The following AGPS variants were observed in gnomAD, a reference collection of about 807,000 sequenced individuals.
AGPS encodes the protein alkylglycerone phosphate synthase.
AGPS carries 26 observed loss-of-function variants against 90.7 expected under a neutral mutation model. The ratio of observed to expected loss-of-function variants is 0.29; its 90% CI spans 0.21 to 0.40. The LOEUF is 0.40. Among genes scored for constraint, AGPS ranks in the 10% least tolerant of loss-of-function variants. AGPS has a pLI of 1.00. For missense variants in AGPS, 540 were observed against 816.1 expected, an observed-to-expected ratio of 0.66 and a Z score of 4.12; for synonymous variants, 294 against 285.3, an observed-to-expected ratio of 1.03 and a Z score of -0.31.
At chr2:177,484,469 G>A (rs1033686714) in intron 11 of AGPS, among the ~76,000 whole-genome samples, 4 of 151,436 alleles carry the variant, frequency 2.6e-5, no homozygotes, top group African/African-American at 7.3e-5. Flanking sequence ...TCAGCCTCCC[G>A]AGTAGCTGGG....
intron 10 of AGPS, among the ~76,000 whole-genome samples, chr2:177,475,872 C>A (rs1687767117): frequency 6.6e-6 from 1 of 152,100 alleles, no homozygotes; most frequent in African/African-American, 2.4e-5. Context: ...AATAGCCAGA[C>A]TGTTTTCTAG....
chr2:177,533,878 G>C lies in AGPS; in HGVS notation c.1856-4196G>C, dbSNP rs115784857. On this transcript the variant is annotated intron_variant, in intron 19 of 19. Coordinates refer to ENST00000264167, the MANE Select transcript of AGPS (RefSeq NM_003659.4). ...ATCTGACCTATAGAATAGTGCTAAA[G>C]AGATATCCAGGATACTCAAACTAGA... 6.6e-3 allele frequency among the ~76,000 whole-genome samples: 1,000 copies of C among 152,274 alleles called. 11 individuals are homozygous for C. Among genetic ancestry groups the C allele is most frequent in the African/African-American group, 0.023 (973 of 41,556 alleles).
intron 9 of AGPS, among the ~76,000 whole-genome samples, chr2:177,468,093 C>T (rs1250526385): frequency 6.6e-6 from 1 of 151,886 alleles, no homozygotes; most frequent in Admixed American, 6.6e-5. Context: ...TTTTTGAGTC[C>T]GTTAGTTCTG....
rs537056281 is a variant in AGPS at position 177,460,918 on chromosome 2, T to C, written c.871-975T>C. On this transcript the variant is annotated intron_variant, in intron 8 of 19. Transcript: ENST00000264167. ...AGAATAGATAGAGAATTTGTATTGC[T>C]GATATGCAAAACCTAACAAATTATA... Among the ~76,000 whole-genome samples, 3 of 152,392 alleles carry C rather than the reference T, an allele frequency of 2.0e-5. No homozygotes were observed. In the East Asian group the frequency reaches 5.8e-4, roughly 29 times the overall value.
intron 8 of AGPS, among the ~76,000 whole-genome samples, chr2:177,450,610 G>A (rs965691871): frequency 2.0e-5 from 3 of 151,960 alleles, no homozygotes; most frequent in African/African-American, 2.4e-5. Flanking sequence ...GTCTATATAT[G>A]TCTGCTTCTA....
At chr2:177,457,938 A>G (rs1012180411) in intron 8 of AGPS, among the ~76,000 whole-genome samples, 6 of 152,244 alleles carry the variant, frequency 3.9e-5, no homozygotes, top group Admixed American at 2.6e-4. Context: ...AATCCTTAAT[A>G]AAATACTGGC....
At chr2:177,449,595 T>C (rs184990347) in intron 8 of AGPS, among the ~76,000 whole-genome samples, 4 of 152,184 alleles carry the variant, frequency 2.6e-5, no homozygotes, top group African/African-American at 7.2e-5. Flanking sequence ...GGATAATCTT[T>C]ATATTTTTCT....
chr2:177,442,753 A>G (rs577477117), intron 7 of AGPS, among the ~76,000 whole-genome samples: 2 of 151,482 alleles, frequency 1.3e-5, no homozygotes, highest in East Asian at 3.9e-4. Flanking sequence ...AGGCTGAGAC[A>G]TAAGACTCGC....
intron 15 of AGPS, among the ~76,000 whole-genome samples, chr2:177,505,854 A>G (rs1261490605): frequency 6.6e-6 from 1 of 151,954 alleles, no homozygotes; most frequent in Admixed American, 6.6e-5. Flanking sequence ...CATACCATTC[A>G]TAACATTACT....
rs571645531 is a variant in AGPS, at chr2:177,525,049, C to T, written c.1855+1244C>T. Among the ~76,000 whole-genome samples the T allele has an allele frequency of 2.0e-5, 3 of 152,280 alleles. No homozygotes were observed. The South Asian group carries it at 6.2e-4, about 32-fold the overall frequency. ...ATTGAAGATAATATGCTCCTCTCTC[C>T]TTTTTCTATTTATTATCCTTTCATT... On this transcript the variant is annotated intron_variant, in intron 19 of 19. Coordinates refer to ENST00000264167, the MANE Select transcript of AGPS (RefSeq NM_003659.4).
At chr2:177,483,887 C>T (rs1435820281) in intron 11 of AGPS, among the ~76,000 whole-genome samples, 4 of 152,064 alleles carry the variant, frequency 2.6e-5, no homozygotes, top group Admixed American at 2.6e-4. Context: ...AATATTCCAT[C>T]ATTCAAAGGC....
intron 17 of AGPS, among the ~76,000 whole-genome samples, chr2:177,520,051 G>A (rs965727897): frequency 6.6e-6 from 1 of 152,178 alleles, no homozygotes; most frequent in African/African-American, 2.4e-5. Flanking sequence ...GAGTGTAGGT[G>A]TAGCAGTGAG....
chr2:177,487,221 G>A (rs2886195), intron 11 of AGPS, among the ~76,000 whole-genome samples: 5 of 152,020 alleles, frequency 3.3e-5, no homozygotes, highest in African/African-American at 4.8e-5. Context: ...TAAAAACTTA[G>A]GAGTAGTGCC....
At chr2:177,393,524 T>C in intron 1 of AGPS, 1 of 985,384 alleles carries the variant, frequency 1.0e-6, no homozygotes. Flanking sequence ...AGGTGCTGAC[T>C]GGTTTCTGTG....
intron 1 of AGPS, among the ~76,000 whole-genome samples, chr2:177,403,535 G>A (rs1007880951): frequency 6.6e-6 from 1 of 152,142 alleles, no homozygotes; most frequent in African/African-American, 2.4e-5. Flanking sequence ...GGAGCTGAAT[G>A]TCTGGCAGTT....
Position 177,539,821 on chromosome 2 carries a change from C to T in AGPS, c.*1626C>T, listed in dbSNP as rs899403793. The T allele has an allele frequency of 7.3e-5, 11 of 151,706 alleles. No individual in the cohort carries two copies. The highest frequency in any genetic ancestry group is 2.7e-4 in the African/African-American group (11 of 41,442). 9.4% of individuals were successfully genotyped at this position (151,706 alleles called of 1,614,324 possible). Reference sequence around the variant, plus strand: ...GAAATATTTATTTTTTAGAAGCTGCCTCTCTTCATTGGTCATTTATTTTTA... The same window carrying T: ...GAAATATTTATTTTTTAGAAGCTGCTTCTCTTCATTGGTCATTTATTTTTA... On this transcript the variant is annotated 3_prime_UTR_variant, in exon 20 of 20. Transcript: ENST00000264167.
chr2:177,406,605 G>A (rs1420052951), intron 1 of AGPS, among the ~76,000 whole-genome samples: 1 of 152,182 alleles, frequency 6.6e-6, no homozygotes, highest in African/African-American at 2.4e-5. Context: ...GTAGAGTGGT[G>A]CTGTGTTTAA....
chr2:177,416,211 T>G (rs1375561517), intron 1 of AGPS, among the ~76,000 whole-genome samples: 5 of 152,152 alleles, frequency 3.3e-5, no homozygotes, highest in Admixed American at 6.5e-5. Flanking sequence ...TTTCCCATTT[T>G]AAGAATAAAG....
chr2:177,489,153 C>T (rs535565386), intron 11 of AGPS, among the ~76,000 whole-genome samples: 16 of 148,202 alleles, frequency 1.1e-4, no homozygotes, highest in Admixed American at 2.0e-4. Context: ...GGTGCGATCT[C>T]GGCTCACTGC....
Sources: allele counts gnomAD v4.1 joint callset (sites outside exome capture counted in the v4.1 genomes callset), GRCh38; gene constraint gnomAD v4.1.1; transcripts MANE v1.5; gene names NCBI Gene and HGNC (gene_info 2026-07-23, HGNC 2026-07-21).